The following HAT1 variants were observed in gnomAD, a reference collection of about 807,000 sequenced individuals.
The protein encoded by HAT1 is histone acetyltransferase type B catalytic subunit.
In HAT1, 20 loss-of-function variants were observed where a neutral mutation model predicts 56.6. The observed-to-expected ratio is 0.35, with a 90% CI of 0.25 to 0.51. The LOEUF (loss-of-function observed/expected upper bound fraction) is 0.51, where lower values mean the gene tolerates loss of function less well. Ranked by LOEUF, HAT1 falls within the 20% of genes least tolerant of loss-of-function variation. HAT1 has a pLI of 0.95. For synonymous variants in HAT1, 146 were observed against 165.5 expected (o/e 0.88, Z 0.91); for missense variants, 408 against 504.3 (o/e 0.81, Z 1.83).
intron 8 of HAT1, among the ~76,000 whole-genome samples, chr2:171,969,439 TA>T (rs954009902): frequency 1.3e-5 from 2 of 152,126 alleles, no homozygotes; most frequent in Admixed American, 6.5e-5. Context: ...TGAGAAGCTT[TA>T]AAAAAACGAT....
chr2:171,965,655 T>C (rs1687666855), intron 5 of HAT1, 132 bp from the exon 6 acceptor site: 1 of 986,152 alleles, frequency 1.0e-6, no homozygotes, highest in African/African-American at 1.6e-5. Flanking sequence ...ATTTTGTGTG[T>C]ATGTCTGTAT....
At chr2:171,953,655 A>T (rs969036047) in intron 4 of HAT1, among the ~76,000 whole-genome samples, 1 of 138,494 alleles carries the variant, frequency 7.2e-6, no homozygotes, top group Non-Finnish European at 1.6e-5. Context: ...AAAAAAAAAA[A>T]TTAAGGTTTG....
intron 10 of HAT1, among the ~76,000 whole-genome samples, chr2:171,982,310 C>G (rs1205282383): frequency 6.6e-6 from 1 of 152,144 alleles, no homozygotes; most frequent in Non-Finnish European, 1.5e-5. Flanking sequence ...AACAGTATAT[C>G]CGAAACATGA....
At chr2:171,941,495 C>T (rs941653779) in intron 2 of HAT1, among the ~76,000 whole-genome samples, 3 of 152,162 alleles carry the variant, frequency 2.0e-5, no homozygotes, top group African/African-American at 7.2e-5. Context: ...AGTCAAACCT[C>T]TCTGCTAACG....
intron 8 of HAT1, among the ~76,000 whole-genome samples, chr2:171,968,020 G>A (rs887802174): frequency 6.6e-6 from 1 of 151,784 alleles, no homozygotes; most frequent in Non-Finnish European, 1.5e-5. Context: ...AGTTGCTTCA[G>A]AACAGTGAAT....
intron 2 of HAT1, among the ~76,000 whole-genome samples, chr2:171,926,144 G>T (rs1036816292): frequency 6.6e-6 from 1 of 150,822 alleles, no homozygotes; most frequent in Non-Finnish European, 1.5e-5. Context: ...GACAAGGAAG[G>T]TCTCACTCTA....
chr2:171,976,170 C>T lies in HAT1; in HGVS notation c.837C>T (p.Ser279=), dbSNP rs1558980402. Residue 279 remains serine, a synonymous_variant, in exon 9 of 11, where the codon TCC becomes TCT. Coordinates refer to ENST00000264108, the MANE Select transcript of HAT1 (RefSeq NM_003642.4). ...TVLDITAEDP[S]KSYVKLRDFV... is the part of the protein sequence containing the mutation. The stretch of plus-strand genomic sequence containing the variant: ...TTATTTATTTAGCGGAAGATCCATC[C>T]AAAAGCTATGTGAAATTACGAGACT... The T allele has an allele frequency of 1.3e-6, 2 of 1,575,858 alleles. No individual in the cohort carries two copies. The highest frequency in any genetic ancestry group is 1.2e-5 in the South Asian group (1 of 84,294).
chr2:171,953,220 T>G (rs1203345651), intron 4 of HAT1, among the ~76,000 whole-genome samples: 33 of 151,720 alleles, frequency 2.2e-4, no homozygotes, highest in Middle Eastern at 3.4e-3. Context: ...GTGGCATGTG[T>G]CTGTAATTCC....
At chr2:171,946,494 GC>G (rs1198535416) in intron 2 of HAT1, among the ~76,000 whole-genome samples, 1 of 152,180 alleles carries the variant, frequency 6.6e-6, no homozygotes, top group Non-Finnish European at 1.5e-5. Context: ...GGGTTTTGAC[GC>G]TGAAGCACTC....
At chr2:171,931,832 A>G (rs1197936677) in intron 2 of HAT1, among the ~76,000 whole-genome samples, 1 of 152,156 alleles carries the variant, frequency 6.6e-6, no homozygotes, top group Non-Finnish European at 1.5e-5. Flanking sequence ...TTCTTGCCTT[A>G]CTGCACTGGC....
intron 4 of HAT1, among the ~76,000 whole-genome samples, chr2:171,960,710 T>C (rs540106021): frequency 6.6e-6 from 1 of 152,284 alleles, no homozygotes; most frequent in Non-Finnish European, 1.5e-5. Flanking sequence ...TTCATCTGGT[T>C]GTCCTTGACC....
rs574197980 is a variant in HAT1 at position 171,946,660 on chromosome 2, T to C, written c.113-48T>C. ...AAATAGGAATACCTGTCACCTTCAA[T>C]ATCTTTAGTTATCTTTAATATCTCT... is the stretch of plus-strand genomic sequence containing the variant. On this transcript the variant is annotated intron_variant, in intron 2 of 10. Transcript: ENST00000264108. 8 of 1,046,564 alleles carry C rather than the reference T, an allele frequency of 7.6e-6. No individual in the cohort carries two copies. In the East Asian group the frequency reaches 1.4e-4, roughly 19 times the overall value. The allele number at this position is 1,046,564 out of a possible 1,614,324, so 64.8% of individuals were successfully genotyped here. A position where few individuals can be genotyped will look rare whatever the true frequency, so the allele number is the denominator to read the frequency against.
intron 2 of HAT1, among the ~76,000 whole-genome samples, chr2:171,928,665 C>A (rs1333541772): frequency 2.0e-5 from 3 of 152,114 alleles, no homozygotes; most frequent in Non-Finnish European, 2.9e-5. Context: ...CCTGCCACCA[C>A]GCCTGGCTAA....
intron 4 of HAT1, among the ~76,000 whole-genome samples, chr2:171,960,424 A>C (rs2105331341): frequency 6.6e-6 from 1 of 152,338 alleles, no homozygotes; most frequent in South Asian, 2.1e-4. Context: ...GTTAGGTTTG[A>C]GTCTAATATA....
At chr2:171,932,352 C>G (rs1574034970) in intron 2 of HAT1, among the ~76,000 whole-genome samples, 3 of 152,166 alleles carry the variant, frequency 2.0e-5, no homozygotes, top group African/African-American at 7.2e-5. Flanking sequence ...CTGCATTATT[C>G]CTTTAAATGT....
intron 1 of HAT1, chr2:171,924,563 T>C (rs1281459472): frequency 1.3e-5 from 2 of 152,246 alleles, no homozygotes; most frequent in Non-Finnish European, 2.9e-5. Context: ...GATAGTGATA[T>C]CTTCCAATGT....
intron 1 of HAT1, chr2:171,923,465 G>A (rs1686497591): frequency 6.6e-6 from 1 of 152,148 alleles, no homozygotes; most frequent in Non-Finnish European, 1.5e-5. Context: ...TTTAGAGACA[G>A]AGTCTGGCTG....
chr2:171,965,116 C>T (rs949437698), intron 4 of HAT1: 1 of 475,160 alleles, frequency 2.1e-6, no homozygotes. Context: ...TATCAGGTCA[C>T]CTGCCTTCTC....
chr2:171,965,186 G>C (rs1687653867), intron 4 of HAT1, 152 bp from the exon 5 acceptor site: 3 of 585,762 alleles, frequency 5.1e-6, no homozygotes, highest in Admixed American at 6.5e-5. Flanking sequence ...TGCACAGGAA[G>C]CTCATCCTTT....
Sources: gnomAD v4.1 joint callset for allele counts (sites outside exome capture counted in the v4.1 genomes callset) on GRCh38, gnomAD v4.1.1 for gene constraint, MANE v1.5 for transcripts, NCBI Gene and HGNC (gene_info 2026-07-23, HGNC 2026-07-21) for gene names.